FHIT: variants seen among roughly 807,000 people sequenced by gnomAD.
FHIT encodes the protein bis(5'-adenosyl)-triphosphatase.
FHIT carries 19 observed loss-of-function variants against 17.9 expected under a neutral mutation model. The observed-to-expected ratio is 1.06, with a 90% CI of 0.74 to 1.56. FHIT has a LOEUF of 1.56. FHIT is among the 40% of genes most tolerant of loss of function. FHIT has a pLI of 0.00. For synonymous variants in FHIT, 81 were observed against 69.7 expected, an observed-to-expected ratio of 1.16 and a Z score of -0.81; for missense variants, 248 against 189.2, an observed-to-expected ratio of 1.31 and a Z score of -1.82.
At chr3:60,039,619 T>G (rs1246344314) in intron 5 of FHIT, among the ~76,000 whole-genome samples, 2 of 152,222 alleles carry the variant, frequency 1.3e-5, no homozygotes, top group Non-Finnish European at 2.9e-5. Context: ...TATTTTCAAT[T>G]TCTCTTATTT....
At chr3:60,760,234 T>C (rs553680193) in intron 4 of FHIT, among the ~76,000 whole-genome samples, 1 of 152,258 alleles carries the variant, frequency 6.6e-6, no homozygotes, top group Admixed American at 6.5e-5. Context: ...AGTGTTTTTG[T>C]AGGCATGTGT....
chr3:60,619,600 C>CAAAAAAAA (rs57198487), intron 4 of FHIT, among the ~76,000 whole-genome samples: 34 of 88,682 alleles, frequency 3.8e-4, no homozygotes, highest in African/African-American at 7.7e-4. Flanking sequence ...TACCCACATG[C>CAAAAAAAA]AAAAAAAAAA....
intron 7 of FHIT, among the ~76,000 whole-genome samples, chr3:59,995,607 G>A (rs945318011): frequency 1.1e-4 from 17 of 152,100 alleles, no homozygotes; most frequent in African/African-American, 4.1e-4. Context: ...AATCCATGAT[G>A]TAAGGTATAA....
rs1357433512 is a variant in FHIT at position 60,081,026 on chromosome 3, GA to G, written c.104-66875del. Among the ~76,000 whole-genome samples the G allele has an allele frequency of 1.2e-4, 18 of 152,242 alleles. No homozygotes were observed. The East Asian group carries it at 3.5e-3, about 29-fold the overall frequency. On this transcript the variant is annotated intron_variant, in intron 5 of 9. Coordinates refer to ENST00000492590, the MANE Select transcript of FHIT (RefSeq NM_002012.4). ...TCTATCAAGGTACATGACATGTAAT[GA>G]AAGGAAGGGATAGAGACCAGGCAAG... is the stretch of plus-strand genomic sequence containing the variant.
chr3:60,537,968 T>TACTGTGAAAC (rs2036046904), intron 4 of FHIT, among the ~76,000 whole-genome samples: 1 of 151,622 alleles, frequency 6.6e-6, no homozygotes, highest in Non-Finnish European at 1.5e-5. Flanking sequence ...CTATTTGTGA[T>TACTGTGAAAC]ATGCATTTGG....
intron 5 of FHIT, among the ~76,000 whole-genome samples, chr3:60,499,402 G>A (rs1292031589): frequency 3.3e-5 from 5 of 151,976 alleles, no homozygotes; most frequent in Non-Finnish European, 5.9e-5. Flanking sequence ...ACAGGTCTTC[G>A]TGTTTTTGAA....
chr3:60,957,389 C>A (rs1553779311), intron 3 of FHIT, among the ~76,000 whole-genome samples: 1 of 151,980 alleles, frequency 6.6e-6, no homozygotes, highest in Non-Finnish European at 1.5e-5. Flanking sequence ...AGGCACGTGC[C>A]ACCACACCTG....
At chr3:60,760,380 A>AAGGGC (rs1699605229) in intron 4 of FHIT, among the ~76,000 whole-genome samples, 1 of 152,208 alleles carries the variant, frequency 6.6e-6, no homozygotes, top group Non-Finnish European at 1.5e-5. Flanking sequence ...AACAGGAAGT[A>AAGGGC]AGGGCATACA....
intron 5 of FHIT, among the ~76,000 whole-genome samples, chr3:60,298,876 C>CT: frequency 6.6e-6 from 1 of 152,204 alleles, no homozygotes; most frequent in African/African-American, 2.4e-5. Context: ...CAACTTCTGG[C>CT]TTTTTTCTTG....
intron 8 of FHIT, among the ~76,000 whole-genome samples, chr3:59,828,843 CTCTCTGTG>C (rs1378622633): frequency 6.8e-6 from 1 of 146,776 alleles, no homozygotes; most frequent in African/African-American, 2.6e-5. Context: ...CAATGGTACT[CTCTCTGTG>C]TGTGTGTGTG....
At chr3:60,361,602 G>A (rs1229044818) in intron 5 of FHIT, among the ~76,000 whole-genome samples, 2 of 152,122 alleles carry the variant, frequency 1.3e-5, no homozygotes, top group African/African-American at 4.8e-5. Context: ...CAACTACTGA[G>A]TCAGTTATGT....
At chr3:60,802,366 C>T (rs1312137303) in intron 4 of FHIT, among the ~76,000 whole-genome samples, 1 of 152,162 alleles carries the variant, frequency 6.6e-6, no homozygotes, top group Non-Finnish European at 1.5e-5. Context: ...CACATGCATC[C>T]CCTATCAGAT....
At chr3:60,924,355 C>A (rs1707461421) in intron 3 of FHIT, among the ~76,000 whole-genome samples, 1 of 152,148 alleles carries the variant, frequency 6.6e-6, no homozygotes, top group Non-Finnish European at 1.5e-5. Flanking sequence ...TCTTCTGAGA[C>A]AAAACTTCCA....
chr3:60,224,080 A>G (rs1266799395), intron 5 of FHIT, among the ~76,000 whole-genome samples: 1 of 152,152 alleles, frequency 6.6e-6, no homozygotes, highest in African/African-American at 2.4e-5. Flanking sequence ...GCAAACTTTT[A>G]TTGAGTTCCT....
At chr3:61,218,535 GGTTT>G (rs934643381) in intron 1 of FHIT, among the ~76,000 whole-genome samples, 4 of 151,972 alleles carry the variant, frequency 2.6e-5, no homozygotes, top group Admixed American at 2.6e-4. Flanking sequence ...GCTGGAAGAC[GGTTT>G]GTTTGTATAG....
intron 5 of FHIT, among the ~76,000 whole-genome samples, chr3:60,138,836 C>A (rs561205206): frequency 6.6e-6 from 1 of 152,088 alleles, no homozygotes; most frequent in African/African-American, 2.4e-5. Context: ...AAGTCACCAA[C>A]AGAATCATTA....
chr3:60,078,476 G>T (rs949426633), intron 5 of FHIT, among the ~76,000 whole-genome samples: 1 of 152,068 alleles, frequency 6.6e-6, no homozygotes, highest in Non-Finnish European at 1.5e-5. Context: ...AAATGTCAAG[G>T]TCATGAAAGA....
chr3:60,760,810 T>A (rs1446627920), intron 4 of FHIT, among the ~76,000 whole-genome samples: 1 of 152,160 alleles, frequency 6.6e-6, no homozygotes, highest in Non-Finnish European at 1.5e-5. Context: ...CTATTCTGGG[T>A]AGGGAGAATG....
intron 5 of FHIT, among the ~76,000 whole-genome samples, chr3:60,084,970 T>C (rs2630147): frequency 1 from 151,632 of 152,252 alleles, 75,509 homozygotes; most frequent in Middle Eastern, 1. Context: ...CATGTCTTCT[T>C]TTCTATATGT....
Sources: gnomAD v4.1 joint callset for allele counts (sites outside exome capture counted in the v4.1 genomes callset) on GRCh38, gnomAD v4.1.1 for gene constraint, MANE v1.5 for transcripts, NCBI Gene and HGNC (gene_info 2026-07-23, HGNC 2026-07-21) for gene names.